The following PCDH11X variants were observed in gnomAD, a reference collection of about 807,000 sequenced individuals.
The protein encoded by PCDH11X is protocadherin 11 X-linked, also known as protocadherin-11 X-linked.
PCDH11X carries 18 observed loss-of-function variants against 53.3 expected under a neutral mutation model. That is an observed-to-expected ratio of 0.34 (90% CI 0.23 to 0.50). The LOEUF (loss-of-function observed/expected upper bound fraction) is 0.50, where lower values mean the gene tolerates loss of function less well. Ranked by LOEUF, PCDH11X falls within the 20% of genes least tolerant of loss-of-function variation. The pLI, the probability that PCDH11X is intolerant of heterozygous loss-of-function variation, is 0.98. For synonymous variants in PCDH11X, 279 were observed against 393.3 expected (o/e 0.71, Z 3.44); for missense variants, 570 against 1,032.4 (o/e 0.55, Z 6.14).
intron 8 of PCDH11X, among the ~76,000 whole-genome samples, chrX:92,321,256 A>G (rs777919310): frequency 0.018 from 1,822 of 101,113 alleles, 59 homozygotes; most frequent in African/African-American, 0.064. Flanking sequence ...GCAGTGGCGC[A>G]ATCTCGGCTC....
At chrX:92,226,522 A>T (rs1465155856) in intron 7 of PCDH11X, among the ~76,000 whole-genome samples, 1 of 112,053 alleles carries the variant, frequency 8.9e-6, no homozygotes, top group African/African-American at 3.2e-5. Context: ...TATTGGAATT[A>T]AAATTCAAGT....
intron 6 of PCDH11X, among the ~76,000 whole-genome samples, chrX:92,136,414 G>T (rs2065084530): frequency 1.1e-5 from 1 of 92,801 alleles, no homozygotes; most frequent in African/African-American, 3.8e-5. Context: ...AGTGCAAACT[G>T]CACTTCTTTT....
chrX:92,560,240 C>A (rs1459428387), intron 10 of PCDH11X, among the ~76,000 whole-genome samples: 1 of 109,873 alleles, frequency 9.1e-6, no homozygotes, highest in East Asian at 2.9e-4. Context: ...AGGGAAGGAA[C>A]CAGTTCTGGC....
intron 6 of PCDH11X, among the ~76,000 whole-genome samples, chrX:92,017,566 G>A (rs1374384192): frequency 1.7e-4 from 18 of 106,438 alleles, no homozygotes; most frequent in Non-Finnish European, 3.3e-4. Flanking sequence ...CTGCCGTAGC[G>A]CATGTTTGTA....
At chrX:91,893,500 G>T (rs1250448968) in intron 6 of PCDH11X, among the ~76,000 whole-genome samples, 1 of 109,454 alleles carries the variant, frequency 9.1e-6, no homozygotes, top group Admixed American at 9.9e-5. Flanking sequence ...TTCCCAGTAT[G>T]CTATATGGCG....
At chrX:92,381,445 A>T (rs2070872764) in intron 8 of PCDH11X, among the ~76,000 whole-genome samples, 1 of 111,890 alleles carries the variant, frequency 8.9e-6, no homozygotes, top group African/African-American at 3.2e-5. Flanking sequence ...CACTAACGAA[A>T]TTGCTAGCAT....
intron 6 of PCDH11X, among the ~76,000 whole-genome samples, chrX:92,045,222 C>T (rs1401624518): frequency 9.3e-6 from 1 of 107,407 alleles, no homozygotes; most frequent in Non-Finnish European, 1.9e-5. Flanking sequence ...TGGTACCTGC[C>T]CTTAGGGAGC....
intron 10 of PCDH11X, among the ~76,000 whole-genome samples, chrX:92,575,938 T>TACACAC (rs1250408122): frequency 0.02 from 528 of 27,058 alleles, 31 homozygotes; most frequent in South Asian, 0.035. Flanking sequence ...TATATATATA[T>TACACAC]ATATATACAC....
At chrX:91,844,508 T>A (rs891045775) in intron 5 of PCDH11X, among the ~76,000 whole-genome samples, 8 of 109,737 alleles carry the variant, frequency 7.3e-5, no homozygotes, top group African/African-American at 2.3e-4. Flanking sequence ...CTTATTTTTT[T>A]AAAAAAGATT....
chrX:92,476,542 T>A (rs2073389723), intron 10 of PCDH11X, among the ~76,000 whole-genome samples: 1 of 83,809 alleles, frequency 1.2e-5, no homozygotes, highest in Non-Finnish European at 2.2e-5. Flanking sequence ...TCTCCAGGAT[T>A]GGTCCCTGGT....
chrX:92,380,363 G>A (rs1203009270), intron 8 of PCDH11X, among the ~76,000 whole-genome samples: 1 of 111,827 alleles, frequency 8.9e-6, no homozygotes, highest in Admixed American at 9.5e-5. Flanking sequence ...CTGGTAGTGA[G>A]ACCTGAGTGC....
chrX:92,601,867 G>A (rs1386293959), intron 10 of PCDH11X, among the ~76,000 whole-genome samples: 1 of 110,989 alleles, frequency 9.0e-6, no homozygotes, highest in Non-Finnish European at 1.9e-5. Context: ...TAGGGTTAAG[G>A]TATCTTCCAC....
chrX:92,545,387 CTTTTTTTTTTTT>C (rs566573698), intron 10 of PCDH11X, among the ~76,000 whole-genome samples: 5 of 66,053 alleles, frequency 7.6e-5, no homozygotes, highest in African/African-American at 3.1e-4. Context: ...GGTTAAATTC[CTTTTTTTTTTTT>C]TTTTTTTTTT....
intron 10 of PCDH11X, among the ~76,000 whole-genome samples, chrX:92,569,141 T>A (rs1921889309): frequency 9.2e-6 from 1 of 108,819 alleles, no homozygotes; most frequent in African/African-American, 3.3e-5. Context: ...GTGCTAAGAG[T>A]GAAAGAGTAC....
At chrX:91,786,673 A>G (rs1427291587) in intron 1 of PCDH11X, among the ~76,000 whole-genome samples, 8 of 90,006 alleles carry the variant, frequency 8.9e-5, no homozygotes, top group South Asian at 6.4e-4. Flanking sequence ...TTTTTTGAGT[A>G]GAAAAAGAAG....
rs987500422 is a variant in PCDH11X, at chrX:92,077,405, T to TA, written c.3034-123970_3034-123969insA. ...GAATGACCATGTAGTATATGCAAAA[T>TA]TGTTTCCACTTCATGAACTTCAGTT... is the stretch of plus-strand genomic sequence containing the variant. On this transcript the variant is annotated intron_variant, in intron 6 of 10. Transcript: ENST00000682573. Among the ~76,000 whole-genome samples the TA allele has an allele frequency of 8.3e-5, 9 of 108,110 alleles. 1 individual carries two copies. The highest frequency in any genetic ancestry group is 3.0e-4 in the African/African-American group (9 of 29,781). 93.9% of individuals were successfully genotyped at this position (108,110 alleles called of 115,157 possible).
chrX:92,242,022 G>A (rs1267245756), intron 7 of PCDH11X, among the ~76,000 whole-genome samples: 3 of 109,077 alleles, frequency 2.8e-5, no homozygotes, highest in African/African-American at 6.7e-5. Context: ...GTTTGAACCC[G>A]GGAGGCAGAA....
chrX:92,460,133 C>T, intron 9 of PCDH11X: 3 of 1,069,080 alleles, frequency 2.8e-6, no homozygotes, highest in Non-Finnish European at 3.9e-6. Flanking sequence ...ATTGACAATG[C>T]CCGTCTTGCT....
intron 7 of PCDH11X, among the ~76,000 whole-genome samples, chrX:92,251,619 C>G (rs1158728074): frequency 9.1e-6 from 1 of 110,452 alleles, no homozygotes; most frequent in Non-Finnish European, 1.9e-5. Context: ...ATATTTTGCC[C>G]ACATCGTAGG....
Sources: gnomAD v4.1 joint callset for allele counts (sites outside exome capture counted in the v4.1 genomes callset) on GRCh38, gnomAD v4.1.1 for gene constraint, MANE v1.5 for transcripts, NCBI Gene and HGNC (gene_info 2026-07-23, HGNC 2026-07-21) for gene names.